The following MAPKAPK2 variants were observed in gnomAD, a reference collection of about 807,000 sequenced individuals.
The protein encoded by MAPKAPK2 is MAPK activated protein kinase 2.
In MAPKAPK2, 9 loss-of-function variants were observed where a neutral mutation model predicts 48.8. The observed-to-expected ratio is 0.18, with a 90% CI of 0.11 to 0.32. The LOEUF (loss-of-function observed/expected upper bound fraction) is 0.32. Ranked by LOEUF, MAPKAPK2 falls within the 10% of genes least tolerant of loss-of-function variation. The pLI, the probability that MAPKAPK2 is intolerant of heterozygous loss-of-function variation, is 1.00. For missense variants in MAPKAPK2, 331 were observed against 498.3 expected, an observed-to-expected ratio of 0.66 and a Z score of 3.20; for synonymous variants, 202 against 190.6, an observed-to-expected ratio of 1.06 and a Z score of -0.49.
At chr1:206,693,668 G>T (rs1196047331) in intron 1 of MAPKAPK2, among the ~76,000 whole-genome samples, 1 of 152,164 alleles carries the variant, frequency 6.6e-6, no homozygotes, top group Non-Finnish European at 1.5e-5. Context: ...ATAGTTATAT[G>T]CTAGGACAGC....
intron 1 of MAPKAPK2, among the ~76,000 whole-genome samples, chr1:206,686,305 C>T (rs1672288100): frequency 6.6e-6 from 1 of 152,244 alleles, no homozygotes; most frequent in African/African-American, 2.4e-5. Flanking sequence ...GGACTCGCGC[C>T]GTGATGGGCA....
rs1558591012 is a variant in MAPKAPK2 at position 206,733,025 on chromosome 1, C to T, written c.*307C>T. The T allele has an allele frequency of 1.2e-5, 4 of 324,066 alleles. 1 individual carries two copies. The highest frequency in any genetic ancestry group is 2.3e-5 in the Non-Finnish European group (4 of 173,428). 20.1% of individuals were successfully genotyped at this position (324,066 alleles called of 1,614,324 possible). A position where few individuals can be genotyped will look rare whatever the true frequency, so the allele number is the denominator to read the frequency against. Reference sequence around the variant, plus strand: ...CTCTTTTGTTGTCCTTGCCCCACTCCTCTCCACCAGACGCCTTCCTCTCTG... The same window carrying T: ...CTCTTTTGTTGTCCTTGCCCCACTCTTCTCCACCAGACGCCTTCCTCTCTG... On this transcript the variant is annotated 3_prime_UTR_variant, in exon 10 of 10. Coordinates refer to ENST00000367103, the MANE Select transcript of MAPKAPK2 (RefSeq NM_032960.4).
chr1:206,732,271 G>A lies in MAPKAPK2; in HGVS notation c.1060-304G>A. ...AGGTCACGCAGCTGGTGACTGGTTG[G>A]GGCAGACCGGACCCAGGTTTCCTGA... On this transcript the variant is annotated intron_variant, in intron 9 of 9. Coordinates refer to ENST00000367103, the MANE Select transcript of MAPKAPK2 (RefSeq NM_032960.4). The surrounding 1 kb of genome is among the most constrained non-coding windows in gnomAD (Gnocchi z 4.4). The A allele has an allele frequency of 8.2e-6, 12 of 1,459,698 alleles. No individual in the cohort carries two copies. The highest frequency in any genetic ancestry group is 1.4e-5 in the South Asian group (1 of 69,502). 90.4% of individuals were successfully genotyped at this position (1,459,698 alleles called of 1,614,324 possible).
At chr1:206,695,143 T>G (rs1672575317) in intron 1 of MAPKAPK2, among the ~76,000 whole-genome samples, 1 of 152,212 alleles carries the variant, frequency 6.6e-6, no homozygotes, top group African/African-American at 2.4e-5. Flanking sequence ...TTTATGCATT[T>G]GATTTGGCTA....
At chr1:206,712,962 T>TCACACACA (rs58379967) in intron 1 of MAPKAPK2, among the ~76,000 whole-genome samples, 12,941 of 112,120 alleles carry the variant, frequency 0.12, 1,074 homozygotes, top group South Asian at 0.22. Context: ...TGAGACTCCA[T>TCACACACA]CACACACACA....
intron 1 of MAPKAPK2, among the ~76,000 whole-genome samples, chr1:206,692,876 G>A (rs1468110883): frequency 1.3e-5 from 2 of 152,202 alleles, no homozygotes; most frequent in Non-Finnish European, 1.5e-5. Context: ...GTGGCCACCC[G>A]ATGGGAGCCT....
chr1:206,722,552 C>T (rs1457837036), intron 1 of MAPKAPK2, among the ~76,000 whole-genome samples: 38 of 152,094 alleles, frequency 2.5e-4, no homozygotes, highest in African/African-American at 8.4e-4. Flanking sequence ...AAATAAGCAT[C>T]GTTAAGAAAA....
In MAPKAPK2 at chr1:206,731,737, A is replaced by G; in HGVS notation, c.978+12A>G. 1 of 1,613,810 alleles carries G rather than the reference A, an allele frequency of 6.2e-7. No homozygotes were observed. The highest frequency in any genetic ancestry group is 1.7e-4 in the Middle Eastern group (1 of 6,060). On this transcript the variant is annotated intron_variant, in intron 8 of 9. Transcript: ENST00000367103. The surrounding 1 kb of genome is among the most constrained non-coding windows in gnomAD (Gnocchi z 5.9). ...ACCCTTGGATCATGGTAAGCTCGGC[A>G]GGCTGGGGAGCCTTGGGTCTCACGG...
intron 1 of MAPKAPK2, among the ~76,000 whole-genome samples, chr1:206,689,053 G>A (rs538845517): frequency 6.6e-6 from 1 of 152,276 alleles, no homozygotes; most frequent in African/African-American, 2.4e-5. Flanking sequence ...ACCCTTAGGT[G>A]TTAGCTCAAC....
intron 1 of MAPKAPK2, among the ~76,000 whole-genome samples, chr1:206,709,571 G>A (rs1394152185): frequency 6.6e-6 from 1 of 152,064 alleles, no homozygotes; most frequent in Non-Finnish European, 1.5e-5. Flanking sequence ...CAAATCTAAG[G>A]TCATATTAAG....
intron 1 of MAPKAPK2, among the ~76,000 whole-genome samples, chr1:206,691,447 A>G (rs1249531734): frequency 1.6e-5 from 2 of 126,220 alleles, no homozygotes; most frequent in Admixed American, 1.7e-4. Flanking sequence ...TACCTTTTCT[A>G]GTTTTTAGGA....
chr1:206,705,488 G>GAGGC (rs1454982034), intron 1 of MAPKAPK2, among the ~76,000 whole-genome samples: 1 of 152,238 alleles, frequency 6.6e-6, no homozygotes, highest in African/African-American at 2.4e-5. Flanking sequence ...TGGTGATTCT[G>GAGGC]AGGCAGCTGC....
At chr1:206,721,505 G>T (rs1572507763) in intron 1 of MAPKAPK2, among the ~76,000 whole-genome samples, 1 of 152,260 alleles carries the variant, frequency 6.6e-6, no homozygotes, top group South Asian at 2.1e-4. Context: ...TAACATCAAA[G>T]GGTTTGCACT....
At chr1:206,703,054 A>G (rs1368846089) in intron 1 of MAPKAPK2, among the ~76,000 whole-genome samples, 3 of 152,152 alleles carry the variant, frequency 2.0e-5, no homozygotes, top group African/African-American at 7.2e-5. Context: ...GACAAGAACT[A>G]TGTCTTACTT....
chr1:206,705,250 G>A (rs902538732), intron 1 of MAPKAPK2, among the ~76,000 whole-genome samples: 3 of 152,148 alleles, frequency 2.0e-5, no homozygotes, highest in African/African-American at 7.2e-5. Flanking sequence ...GAGGGGTGTG[G>A]CAGAGGAGGG....
chr1:206,697,667 G>A (rs1354284762), intron 1 of MAPKAPK2, among the ~76,000 whole-genome samples: 4 of 152,058 alleles, frequency 2.6e-5, no homozygotes, highest in Admixed American at 2.0e-4. Flanking sequence ...ATCTCCCACC[G>A]GGCCCCACCT....
chr1:206,734,241 T>C lies in MAPKAPK2; in HGVS notation c.*1523T>C, dbSNP rs2102420508. 6.5e-6 allele frequency: 1 copy of C among 152,944 alleles called. No individual in the cohort carries two copies. The highest frequency in any genetic ancestry group is 1.9e-4 in the East Asian group (1 of 5,322). 9.5% of individuals were successfully genotyped at this position (152,944 alleles called of 1,614,324 possible). ...ACTCGATTGTTGTAAACTGTTGTTT[T>C]GTATGAGCGAAATTGTCTTTACTAA... On this transcript the variant is annotated 3_prime_UTR_variant, in exon 10 of 10. Coordinates refer to ENST00000367103, the MANE Select transcript of MAPKAPK2 (RefSeq NM_032960.4).
intron 1 of MAPKAPK2, among the ~76,000 whole-genome samples, chr1:206,719,339 G>T (rs1298229767): frequency 1.3e-5 from 2 of 152,206 alleles, no homozygotes; most frequent in Non-Finnish European, 2.9e-5. Context: ...CCATCTTCTG[G>T]GCAGTGACGC....
At chr1:206,730,421 C>T (rs148614455) in intron 5 of MAPKAPK2, among the ~76,000 whole-genome samples, 21 of 152,358 alleles carry the variant, frequency 1.4e-4, no homozygotes, top group African/African-American at 4.8e-4. Context: ...TTCAGAGCAT[C>T]TGTGAAATTA....
Sources: gnomAD v4.1 joint callset for allele counts (sites outside exome capture counted in the v4.1 genomes callset) on GRCh38, gnomAD v4.1.1 for gene constraint, Gnocchi (gnomAD v3.1) non-coding constraint, MANE v1.5 for transcripts, NCBI Gene and HGNC (gene_info 2026-07-23, HGNC 2026-07-21) for gene names.